Variants in SPATA16 observed in about 807,000 individuals in gnomAD.
SPATA16 encodes the protein spermatogenesis-associated protein 16.
A neutral mutation model predicts 63.3 loss-of-function variants in SPATA16; 36 were observed. The ratio of observed to expected loss-of-function variants is 0.57; its 90% CI spans 0.44 to 0.75. The LOEUF is 0.75. SPATA16 is among the 30% of genes least tolerant of loss of function. The pLI, the probability that SPATA16 is intolerant of heterozygous loss-of-function variation, is 0.00. For synonymous variants in SPATA16, 203 were observed against 216.7 expected (o/e 0.94, Z 0.56); for missense variants, 646 against 679.3 (o/e 0.95, Z 0.54).
chr3:172,960,776 A>G (rs547238282), intron 5 of SPATA16, among the ~76,000 whole-genome samples: 1 of 152,170 alleles, frequency 6.6e-6, no homozygotes, highest in Non-Finnish European at 1.5e-5. Flanking sequence ...TTCTTGGTAA[A>G]ATTTTAAGAG....
intron 4 of SPATA16, among the ~76,000 whole-genome samples, chr3:173,000,252 A>T (rs1734785910): frequency 6.6e-6 from 1 of 152,228 alleles, no homozygotes; most frequent in South Asian, 2.1e-4. Context: ...CCAGCACCTT[A>T]ATCTTGGACT....
intron 2 of SPATA16, among the ~76,000 whole-genome samples, chr3:173,070,678 A>G (rs1002556449): frequency 5.9e-5 from 9 of 152,348 alleles, no homozygotes; most frequent in Admixed American, 5.9e-4. Context: ...AACAGCAAAC[A>G]ATCTGAAAAA....
chr3:173,099,532 A>G (rs541584842), intron 2 of SPATA16, among the ~76,000 whole-genome samples: 9 of 152,268 alleles, frequency 5.9e-5, no homozygotes, highest in African/African-American at 2.2e-4. Context: ...TATATTGTTT[A>G]TATTTATTAA....
At chr3:173,103,233 G>A (rs1240722865) in intron 2 of SPATA16, among the ~76,000 whole-genome samples, 6 of 152,186 alleles carry the variant, frequency 3.9e-5, no homozygotes, top group South Asian at 4.1e-4. Flanking sequence ...TGCTGGCGGT[G>A]CTATTGTTCT....
At chr3:173,074,169 G>A (rs189153710) in intron 2 of SPATA16, among the ~76,000 whole-genome samples, 3 of 152,216 alleles carry the variant, frequency 2.0e-5, no homozygotes, top group Non-Finnish European at 4.4e-5. Flanking sequence ...CTCATAGGTG[G>A]AAGGGGCTTG....
chr3:173,062,285 CCTT>C (rs1245103379), intron 2 of SPATA16, among the ~76,000 whole-genome samples: 1 of 152,004 alleles, frequency 6.6e-6, no homozygotes, highest in Admixed American at 6.6e-5. Flanking sequence ...AAATAATAAA[CCTT>C]CTTCCCTCCT....
intron 3 of SPATA16, among the ~76,000 whole-genome samples, chr3:173,047,446 G>T (rs564687037): frequency 1.8e-3 from 276 of 151,986 alleles, no homozygotes; most frequent in African/African-American, 6.4e-3. Flanking sequence ...ATTACTTTTA[G>T]TGCATCTCAA....
In SPATA16 at chr3:173,054,667, CA is replaced by C. The variant is rs545752972; in HGVS notation, c.613-5574del. On this transcript the variant is annotated intron_variant, in intron 2 of 10. Coordinates refer to ENST00000351008, the MANE Select transcript of SPATA16 (RefSeq NM_031955.6). ...GTTTGAGGGGAGGGAACTTAGAGGA[CA>C]TGGCAATAGGTGCAGCAAACCACCA... Among the ~76,000 whole-genome samples, 12 of 152,086 alleles carry C rather than the reference CA, an allele frequency of 7.9e-5. No individual in the cohort carries two copies. In the South Asian group the frequency reaches 2.5e-3, roughly 32 times the overall value.
At chr3:172,904,946 C>T (rs954686697) in intron 10 of SPATA16, among the ~76,000 whole-genome samples, 2 of 152,140 alleles carry the variant, frequency 1.3e-5, no homozygotes, top group Admixed American at 6.5e-5. Context: ...AGTTGCTGGC[C>T]TGGATGCCAT....
intron 2 of SPATA16, among the ~76,000 whole-genome samples, chr3:173,088,018 C>CTTTCT (rs1553801633): frequency 1.1e-5 from 1 of 88,152 alleles, no homozygotes; most frequent in Non-Finnish European, 2.4e-5. Flanking sequence ...GTCTTTCTTT[C>CTTTCT]TTTCTTTCTT....
chr3:173,029,416 TG>T (rs66777691), intron 3 of SPATA16, among the ~76,000 whole-genome samples: 13,009 of 147,542 alleles, frequency 0.088, 927 homozygotes, highest in East Asian at 0.31. Context: ...GTTTTTTTTT[TG>T]TTTGTTTGTT....
At chr3:173,017,004 A>C (rs908361300) in intron 4 of SPATA16, among the ~76,000 whole-genome samples, 2 of 70,044 alleles carry the variant, frequency 2.9e-5, no homozygotes, top group Non-Finnish European at 5.8e-5. Context: ...CAGCAGAACA[A>C]GACTGTCTCA....
At chr3:173,020,897 A>T (rs1735315228) in intron 3 of SPATA16, among the ~76,000 whole-genome samples, 1 of 152,216 alleles carries the variant, frequency 6.6e-6, no homozygotes, top group Admixed American at 6.5e-5. Context: ...TTAGTTCATT[A>T]TTAAAGTAAG....
intron 2 of SPATA16, among the ~76,000 whole-genome samples, chr3:173,109,442 C>T (rs1737696027): frequency 6.6e-6 from 1 of 152,084 alleles, no homozygotes; most frequent in African/African-American, 2.4e-5. Flanking sequence ...GGAAGAGTGG[C>T]CCATCAAAAT....
At chr3:172,989,511 G>C (rs1052642687) in intron 4 of SPATA16, among the ~76,000 whole-genome samples, 5 of 152,152 alleles carry the variant, frequency 3.3e-5, no homozygotes, top group Admixed American at 3.3e-4. Flanking sequence ...GCTAGACAGC[G>C]TTTGTTTGAA....
intron 6 of SPATA16, among the ~76,000 whole-genome samples, chr3:172,948,253 G>A (rs957630580): frequency 6.6e-6 from 1 of 152,194 alleles, no homozygotes. Flanking sequence ...GAAACAACAT[G>A]CAAAAGACCT....
intron 6 of SPATA16, among the ~76,000 whole-genome samples, chr3:172,949,797 A>C (rs568786084): frequency 6.6e-6 from 1 of 152,208 alleles, no homozygotes; most frequent in South Asian, 2.1e-4. Context: ...CAAGAATGAC[A>C]GTGGAAGAGA....
chr3:172,949,349 T>C (rs1733372145), intron 6 of SPATA16, among the ~76,000 whole-genome samples: 1 of 152,158 alleles, frequency 6.6e-6, no homozygotes, highest in Non-Finnish European at 1.5e-5. Flanking sequence ...TGTAGGTTAA[T>C]TGCGAGCCAA....
At chr3:173,037,934 G>A (rs189679560) in intron 3 of SPATA16, among the ~76,000 whole-genome samples, 1 of 152,216 alleles carries the variant, frequency 6.6e-6, no homozygotes, top group Admixed American at 6.5e-5. Flanking sequence ...CAGTAATGTA[G>A]AATATGTATG....
Sources: allele counts gnomAD v4.1 joint callset (sites outside exome capture counted in the v4.1 genomes callset), GRCh38; gene constraint gnomAD v4.1.1; transcripts MANE v1.5; gene names NCBI Gene and HGNC (gene_info 2026-07-23, HGNC 2026-07-21).